The following NDUFB5 variants were observed in gnomAD, a reference collection of about 807,000 sequenced individuals.
NDUFB5 encodes the protein NADH dehydrogenase [ubiquinone] 1 beta subcomplex subunit 5, mitochondrial.
A neutral mutation model predicts 19.4 loss-of-function variants in NDUFB5; 19 were observed. The ratio of observed to expected loss-of-function variants is 0.98; its 90% confidence interval spans 0.68 to 1.43. NDUFB5 has a LOEUF of 1.43. Among genes scored for constraint, NDUFB5 ranks in the 40% most tolerant of loss-of-function variants. The probability of loss-of-function intolerance (pLI) is 0.00; values close to 1 mark genes in which losing one functional copy is unlikely to be tolerated. For missense variants in NDUFB5, 233 were observed against 236.5 expected, an observed-to-expected ratio of 0.99 and a Z score of 0.10; for synonymous variants, 80 against 82.6, an observed-to-expected ratio of 0.97 and a Z score of 0.17.
chr3:179,605,015 TTGGTGGGATCC>T, intron 1 of NDUFB5, 76 bp downstream of exon 1: 9 of 1,450,426 alleles, frequency 6.2e-6, no homozygotes, highest in Non-Finnish European at 8.2e-6. Context: ...CAGGGTGACC[TTGGTGGGATCC>T]GGAGGGAGCC....
intron 5 of NDUFB5, among the ~76,000 whole-genome samples, chr3:179,618,763 A>G (rs1196311507): frequency 2.0e-5 from 3 of 152,114 alleles, no homozygotes; most frequent in Admixed American, 2.0e-4. Context: ...AGGCAGAAGA[A>G]TCACTTCAAC....
chr3:179,615,703 C>T, intron 2 of NDUFB5: 1 of 541,146 alleles, frequency 1.8e-6, no homozygotes, highest in Non-Finnish European at 3.5e-6. Context: ...TTTTCATCTC[C>T]TTGGTTGAGC....
chr3:179,616,521 A>G (rs983148046), intron 3 of NDUFB5, among the ~76,000 whole-genome samples: 5 of 152,096 alleles, frequency 3.3e-5, no homozygotes, highest in African/African-American at 1.2e-4. Context: ...CAGCCCGGGC[A>G]ACAGAGTGAG....
At chr3:179,615,482 A>G (rs1719353041) in intron 2 of NDUFB5, 3 of 413,838 alleles carry the variant, frequency 7.2e-6, no homozygotes, top group South Asian at 3.5e-5. Flanking sequence ...ACAGGGATCT[A>G]TAGTGCAATC....
intron 1 of NDUFB5, among the ~76,000 whole-genome samples, chr3:179,612,015 A>G (rs906681522): frequency 7.3e-5 from 11 of 150,774 alleles, no homozygotes; most frequent in Non-Finnish European, 1.2e-4. Context: ...GGGTCTAGCT[A>G]TGTTGCTCAG....
rs1158200346 is a variant in NDUFB5 at position 179,624,064 on chromosome 3, G to A, written c.*24G>A. The A allele has an allele frequency of 5.0e-6, 8 of 1,590,326 alleles. No homozygotes were observed. The Admixed American group carries it at 1.4e-4, about 28-fold the overall frequency. ...AAGCATTTTTTTCTCCAAATACAAA[G>A]TATATTCTCTTTATTGGAAAATAAA... On this transcript the variant is annotated 3_prime_UTR_variant, in exon 6 of 6. Coordinates refer to ENST00000259037, the MANE Select transcript of NDUFB5 (RefSeq NM_002492.4).
intron 5 of NDUFB5, among the ~76,000 whole-genome samples, chr3:179,622,511 T>A (rs1365104191): frequency 6.6e-6 from 1 of 152,162 alleles, no homozygotes; most frequent in African/African-American, 2.4e-5. Context: ...TTTAAAAACA[T>A]AACAGTATAT....
At chr3:179,609,116 A>T (rs963513803) in intron 1 of NDUFB5, among the ~76,000 whole-genome samples, 4 of 152,222 alleles carry the variant, frequency 2.6e-5, no homozygotes, top group African/African-American at 9.6e-5. Context: ...AGTTTCCAAG[A>T]ACTCATCAGT....
intron 2 of NDUFB5, chr3:179,615,536 G>A: frequency 2.2e-6 from 1 of 454,374 alleles, no homozygotes. Context: ...TTAGAATGCT[G>A]ACTATATTTC....
chr3:179,607,631 G>T (rs1370459464), intron 1 of NDUFB5: 1 of 621,486 alleles, frequency 1.6e-6, no homozygotes, highest in Non-Finnish European at 2.8e-6. Context: ...GCACCGTTCA[G>T]TGGTATTAAA....
chr3:179,614,615 T>C, intron 1 of NDUFB5, among the ~76,000 whole-genome samples: 1 of 152,216 alleles, frequency 6.6e-6, no homozygotes, highest in East Asian at 1.9e-4. Flanking sequence ...ATTTAGATAC[T>C]TTAACTTTGA....
intron 4 of NDUFB5, chr3:179,617,267 C>T (rs1719407502): frequency 8.6e-6 from 3 of 347,754 alleles, no homozygotes; most frequent in South Asian, 3.3e-5. Flanking sequence ...TCTCCCACGT[C>T]GCTGGGATCA....
intron 1 of NDUFB5, among the ~76,000 whole-genome samples, chr3:179,606,264 C>A (rs569253880): frequency 6.6e-6 from 1 of 152,346 alleles, no homozygotes; most frequent in Non-Finnish European, 1.5e-5. Flanking sequence ...AGGAAACTGA[C>A]TCAATTATTA....
intron 1 of NDUFB5, among the ~76,000 whole-genome samples, chr3:179,614,561 G>C (rs1719327680): frequency 6.6e-6 from 1 of 152,164 alleles, no homozygotes; most frequent in African/African-American, 2.4e-5. Flanking sequence ...AGCTCATTAA[G>C]TACCTAACCT....
intron 5 of NDUFB5, among the ~76,000 whole-genome samples, chr3:179,621,111 T>C (rs1366852374): frequency 6.6e-6 from 1 of 152,192 alleles, no homozygotes; most frequent in Admixed American, 6.5e-5. Flanking sequence ...AAAGTCTTGC[T>C]CTGTTGCCCA....
At chr3:179,610,766 G>A (rs921677199) in intron 1 of NDUFB5, among the ~76,000 whole-genome samples, 2 of 152,176 alleles carry the variant, frequency 1.3e-5, no homozygotes, top group African/African-American at 4.8e-5. Context: ...ATCAAAGATG[G>A]TGTAATTCCA....
chr3:179,606,388 G>A (rs937887933), intron 1 of NDUFB5, among the ~76,000 whole-genome samples: 15 of 152,032 alleles, frequency 9.9e-5, no homozygotes, highest in Admixed American at 9.8e-4. Context: ...GCCCAGGCTG[G>A]AGTGCAATGG....
At chr3:179,623,446 G>T (rs1018005335) in intron 5 of NDUFB5, among the ~76,000 whole-genome samples, 5 of 152,348 alleles carry the variant, frequency 3.3e-5, no homozygotes, top group East Asian at 1.9e-4. Context: ...GCCAAGGCAG[G>T]CAGATCACGA....
At chr3:179,608,252 C>T (rs933126170) in intron 1 of NDUFB5, among the ~76,000 whole-genome samples, 3 of 151,730 alleles carry the variant, frequency 2.0e-5, no homozygotes, top group Non-Finnish European at 4.4e-5. Flanking sequence ...TGCAGTGGCG[C>T]GATCTTGGCT....
Sources: allele counts gnomAD v4.1 joint callset (sites outside exome capture counted in the v4.1 genomes callset), GRCh38; gene constraint gnomAD v4.1.1; transcripts MANE v1.5; gene names NCBI Gene and HGNC (gene_info 2026-07-23, HGNC 2026-07-21).